DENND5B: variants seen among roughly 807,000 people sequenced by gnomAD.
The protein encoded by DENND5B is DENN domain containing 5B, also known as DENN domain-containing protein 5B.
DENND5B carries 34 observed loss-of-function variants against 140.6 expected under a neutral mutation model. The ratio of observed to expected loss-of-function variants is 0.24; its 90% confidence interval spans 0.18 to 0.32. The LOEUF is 0.32. DENND5B is among the 10% of genes least tolerant of loss of function. The pLI, the probability that DENND5B is intolerant of heterozygous loss-of-function variation, is 1.00. For missense variants in DENND5B, 1,142 were observed against 1,560.2 expected, an observed-to-expected ratio of 0.73 and a Z score of 4.52; for synonymous variants, 551 against 562.1, an observed-to-expected ratio of 0.98 and a Z score of 0.28.
At chr12:31,575,398 C>T (rs537542497) in intron 1 of DENND5B, among the ~76,000 whole-genome samples, 4 of 152,248 alleles carry the variant, frequency 2.6e-5, no homozygotes, top group East Asian at 1.9e-4. Context: ...CAGGGAATTA[C>T]GTAAGAGTAG....
chr12:31,513,138 C>T (rs1947491047), intron 1 of DENND5B, among the ~76,000 whole-genome samples: 2 of 151,986 alleles, frequency 1.3e-5, no homozygotes, highest in African/African-American at 4.8e-5. Flanking sequence ...TGGGATTTGT[C>T]TGATGTTTTT....
chr12:31,485,210 T>C (rs1390660868), intron 2 of DENND5B, among the ~76,000 whole-genome samples: 6 of 152,184 alleles, frequency 3.9e-5, no homozygotes, highest in Non-Finnish European at 7.4e-5. Context: ...TGACCGCACA[T>C]CACACAACAA....
intron 1 of DENND5B, among the ~76,000 whole-genome samples, chr12:31,589,721 T>C (rs1003721117): frequency 1.3e-5 from 2 of 151,814 alleles, no homozygotes; most frequent in African/African-American, 2.4e-5. Context: ...AGGCGGTAGA[T>C]GTCACTTCTC....
intron 17 of DENND5B, among the ~76,000 whole-genome samples, chr12:31,397,753 C>T (rs1941563837): frequency 6.6e-6 from 1 of 151,720 alleles, no homozygotes; most frequent in East Asian, 1.9e-4. Context: ...TGGCGAAAGG[C>T]AGTCTATAAA....
At chr12:31,531,317 A>C (rs1948271169) in intron 1 of DENND5B, among the ~76,000 whole-genome samples, 1 of 152,052 alleles carries the variant, frequency 6.6e-6, no homozygotes, top group Non-Finnish European at 1.5e-5. Flanking sequence ...CTCCTGCCTC[A>C]GCCTCCCAAG....
chr12:31,483,096 C>G (rs2138584389), intron 2 of DENND5B, among the ~76,000 whole-genome samples: 1 of 152,330 alleles, frequency 6.6e-6, no homozygotes, highest in East Asian at 1.9e-4. Context: ...GCTTTCTTCC[C>G]CTTGGTATCC....
At chr12:31,530,094 C>T (rs937215191) in intron 1 of DENND5B, among the ~76,000 whole-genome samples, 5 of 151,992 alleles carry the variant, frequency 3.3e-5, no homozygotes, top group South Asian at 2.1e-4. Context: ...TACATGCAGC[C>T]GGGCGCGGTG....
intron 1 of DENND5B, among the ~76,000 whole-genome samples, chr12:31,536,035 A>T (rs1033246487): frequency 2.6e-5 from 4 of 152,078 alleles, no homozygotes; most frequent in Non-Finnish European, 5.9e-5. Context: ...AGAAGTGTGT[A>T]GCAGCTCTCC....
intron 1 of DENND5B, among the ~76,000 whole-genome samples, chr12:31,536,483 G>C (rs1948497719): frequency 6.6e-6 from 1 of 151,962 alleles, no homozygotes; most frequent in Non-Finnish European, 1.5e-5. Context: ...GCAGAAGAAA[G>C]ATTTAGTGAG....
Position 31,387,800 on chromosome 12 carries a change from C to T in DENND5B, c.3642-14G>A. Reference sequence around the variant, plus strand: ...AGCAGGCGATCCCTACAGACCCAAACAGAAACAATTCCTGAGCATTGCTGG... The same window carrying T: ...AGCAGGCGATCCCTACAGACCCAAATAGAAACAATTCCTGAGCATTGCTGG... On this transcript the variant is annotated splice_polypyrimidine_tract_variant and intron_variant, in intron 20 of 20. Coordinates refer to ENST00000389082, the MANE Select transcript of DENND5B (RefSeq NM_144973.4). 6.2e-7 allele frequency: 1 copy of T among 1,608,666 alleles called. No homozygotes were observed. The highest frequency in any genetic ancestry group is 8.5e-7 in the Non-Finnish European group (1 of 1,176,846).
At chr12:31,515,010 C>G (rs898606247) in intron 1 of DENND5B, among the ~76,000 whole-genome samples, 3 of 152,118 alleles carry the variant, frequency 2.0e-5, no homozygotes, top group African/African-American at 7.2e-5. Flanking sequence ...GCAGTCCTAG[C>G]TACTCAAGGG....
intron 2 of DENND5B, among the ~76,000 whole-genome samples, chr12:31,493,610 A>C (rs555111448): frequency 6.6e-6 from 1 of 152,304 alleles, no homozygotes; most frequent in African/African-American, 2.4e-5. Flanking sequence ...AGGGCAGATC[A>C]CTTGAGGTCA....
chr12:31,465,170 G>C (rs1359167059), intron 3 of DENND5B: 1 of 152,304 alleles, frequency 6.6e-6, no homozygotes, highest in Non-Finnish European at 1.5e-5. Context: ...AAGGGCAACA[G>C]AGGGGTCTAG....
chr12:31,462,445 T>C (rs34271764), intron 3 of DENND5B, among the ~76,000 whole-genome samples: 21,967 of 151,902 alleles, frequency 0.14, 1,845 homozygotes, highest in Non-Finnish European at 0.19. Context: ...TCAGAACTAA[T>C]TGAAGTTCTG....
intron 1 of DENND5B, among the ~76,000 whole-genome samples, chr12:31,572,327 C>T (rs950546091): frequency 6.6e-6 from 1 of 152,042 alleles, no homozygotes; most frequent in East Asian, 1.9e-4. Flanking sequence ...GCAAGAATGC[C>T]CCCACGCAAA....
At chr12:31,393,881 G>A (rs1941288602) in intron 17 of DENND5B, among the ~76,000 whole-genome samples, 1 of 152,006 alleles carries the variant, frequency 6.6e-6, no homozygotes, top group Non-Finnish European at 1.5e-5. Flanking sequence ...GTAGAAATAG[G>A]GTTTTACCAT....
intron 2 of DENND5B, among the ~76,000 whole-genome samples, chr12:31,485,208 C>T (rs951242893): frequency 9.2e-5 from 14 of 152,228 alleles, no homozygotes; most frequent in Non-Finnish European, 1.3e-4. Context: ...CCTGACCGCA[C>T]ATCACACAAC....
chr12:31,543,273 A>G (rs1053837475), intron 1 of DENND5B, among the ~76,000 whole-genome samples: 1 of 152,162 alleles, frequency 6.6e-6, no homozygotes, highest in Non-Finnish European at 1.5e-5. Flanking sequence ...TAGAGTTTCC[A>G]TATGTTTTGT....
intron 1 of DENND5B, among the ~76,000 whole-genome samples, chr12:31,507,148 G>A (rs1486670010): frequency 6.6e-6 from 1 of 151,914 alleles, no homozygotes; most frequent in Non-Finnish European, 1.5e-5. Flanking sequence ...GGTTTGAGAA[G>A]TTCAGGAAAC....
Sources: allele counts gnomAD v4.1 joint callset (sites outside exome capture counted in the v4.1 genomes callset), GRCh38; gene constraint gnomAD v4.1.1; transcripts MANE v1.5; gene names NCBI Gene and HGNC (gene_info 2026-07-23, HGNC 2026-07-21).